HIVEP2: variants seen among roughly 807,000 people sequenced by gnomAD.
HIVEP2 encodes the protein HIVEP zinc finger 2.
A neutral mutation model predicts 180.7 loss-of-function variants in HIVEP2; 14 were observed. The observed-to-expected ratio is 0.08, with a 90% CI of 0.05 to 0.12. The LOEUF (loss-of-function observed/expected upper bound fraction) is 0.12, where lower values mean the gene tolerates loss of function less well. HIVEP2 is among the 10% of genes least tolerant of loss of function. The pLI is 1.00. For missense variants in HIVEP2, 2,579 were observed against 3,008.5 expected, an observed-to-expected ratio of 0.86 and a Z score of 3.34; for synonymous variants, 1,184 against 1,136.4, an observed-to-expected ratio of 1.04 and a Z score of -0.84.
At chr6:142,910,297 T>C (rs1161092402) in intron 1 of HIVEP2, among the ~76,000 whole-genome samples, 1 of 152,222 alleles carries the variant, frequency 6.6e-6, no homozygotes, top group Non-Finnish European at 1.5e-5. Context: ...TCTTCTCTCA[T>C]TCTCTTCTAA....
At chr6:142,854,673 C>T (rs1775772134) in intron 1 of HIVEP2, among the ~76,000 whole-genome samples, 1 of 152,114 alleles carries the variant, frequency 6.6e-6, no homozygotes, top group Non-Finnish European at 1.5e-5. Context: ...TGAAATTTTC[C>T]AGGGAAGGCA....
intron 3 of HIVEP2, among the ~76,000 whole-genome samples, chr6:142,776,768 A>C (rs139653417): frequency 4.6e-5 from 7 of 152,316 alleles, no homozygotes; most frequent in African/African-American, 1.4e-4. Context: ...CCTGGGCTCA[A>C]GCAATCTGCC....
At chr6:142,928,565 TAC>T (rs1351266258) in intron 1 of HIVEP2, among the ~76,000 whole-genome samples, 4 of 152,238 alleles carry the variant, frequency 2.6e-5, no homozygotes, top group African/African-American at 9.6e-5. Context: ...TTTCCCCACT[TAC>T]AGTGATGCAA....
At chr6:142,792,475 C>T (rs550644002) in intron 2 of HIVEP2, among the ~76,000 whole-genome samples, 7 of 152,158 alleles carry the variant, frequency 4.6e-5, no homozygotes, top group East Asian at 1.9e-4. Context: ...CAGAAAAACA[C>T]GGCATGTTCT....
chr6:142,789,803 G>A (rs548593687), intron 2 of HIVEP2, among the ~76,000 whole-genome samples: 14 of 152,218 alleles, frequency 9.2e-5, no homozygotes, highest in Non-Finnish European at 1.8e-4. Context: ...AAATTCAAAT[G>A]AGCAAAGATA....
intron 1 of HIVEP2, among the ~76,000 whole-genome samples, chr6:142,925,645 C>A (rs188466478): frequency 1.3e-5 from 2 of 152,254 alleles, no homozygotes; most frequent in East Asian, 3.9e-4. Context: ...AAAATGACAT[C>A]GTACTATATG....
chr6:142,765,298 C>A (rs559006290), intron 6 of HIVEP2, among the ~76,000 whole-genome samples: 2 of 152,296 alleles, frequency 1.3e-5, no homozygotes, highest in South Asian at 2.1e-4. Context: ...GACCTTTGGA[C>A]TGGATTCTAG....
chr6:142,774,574 G>A lies in HIVEP2; in HGVS notation c.165C>T (p.Ile55=), dbSNP rs181820131. 169 of 1,614,176 alleles carry A rather than the reference G, an allele frequency of 1.0e-4. No individual in the cohort carries two copies. In the East Asian group the frequency reaches 2.3e-3, roughly 22 times the overall value. The change falls in exon 5 of 10, where the codon ATC becomes ATT. Residue 55 remains isoleucine, a synonymous_variant. Transcript: ENST00000367603. This position sits in a 1 kb window ranked among gnomAD's most constrained non-coding sequence, Gnocchi z 5.1. ...ACAGTTGTGCTGATGCTGTGTTTCC[G>A]ATTTGCTCAGGCTCTATTTGTGGTT... ...QRQPQIEPEQ[I]GNTASAQLFG...
At chr6:142,852,796 CAG>C (rs147325095) in intron 1 of HIVEP2, among the ~76,000 whole-genome samples, 29,820 of 152,030 alleles carry the variant, frequency 0.2, 3,783 homozygotes, top group Non-Finnish European at 0.29. Context: ...TTTAGAGTAA[CAG>C]GGGAAAAATA....
intron 2 of HIVEP2, among the ~76,000 whole-genome samples, chr6:142,810,587 C>T (rs1245167107): frequency 6.6e-6 from 1 of 151,694 alleles, no homozygotes; most frequent in Non-Finnish European, 1.5e-5. Flanking sequence ...GATGGTGAAA[C>T]CCCGTCTCTA....
intron 1 of HIVEP2, among the ~76,000 whole-genome samples, chr6:142,876,455 G>C (rs111925976): frequency 1.3e-5 from 2 of 152,076 alleles, no homozygotes; most frequent in African/African-American, 4.8e-5. Context: ...TGATAGCAGC[G>C]TATGAGATCA....
At chr6:142,798,522 G>T (rs1450870630) in intron 2 of HIVEP2, among the ~76,000 whole-genome samples, 2 of 152,114 alleles carry the variant, frequency 1.3e-5, no homozygotes. Flanking sequence ...CCCCTTTCTA[G>T]ATCCACCTGC....
In HIVEP2 at chr6:142,768,485, C is replaced by G. The variant is rs1775430256; in HGVS notation, c.5239G>C (p.Val1747Leu). Reference protein sequence around the residue: ...LFGSKLERKLVGNILKERGKG... With the variant: ...LFGSKLERKLLGNILKERGKG... ...CCTCTTTCCTTTAAGATATTTCCCACTAGTTTCCTTTCTAGTTTGCTGCCA... is the reference window on the plus strand; with the variant it reads ...CCTCTTTCCTTTAAGATATTTCCCAGTAGTTTCCTTTCTAGTTTGCTGCCA... The change falls in exon 6 of 10, where the codon GTG becomes CTG. Residue 1747 changes from valine (V) to leucine (L), a missense_variant. Val to Leu is a conservative substitution (Grantham distance 32). This residue lies in a region of HIVEP2 where 349 missense variants were observed against 367.2 expected (regional missense o/e 0.95). Coordinates refer to ENST00000367603, the MANE Select transcript of HIVEP2 (RefSeq NM_006734.4). 6.2e-7 allele frequency: 1 copy of G among 1,613,492 alleles called. No individual in the cohort carries two copies. Among genetic ancestry groups the G allele is most frequent in the Non-Finnish European group, 8.5e-7 (1 of 1,179,690 alleles).
At chr6:142,870,454 G>A (rs1358259488) in intron 1 of HIVEP2, among the ~76,000 whole-genome samples, 2 of 152,124 alleles carry the variant, frequency 1.3e-5, no homozygotes, top group African/African-American at 4.8e-5. Context: ...ATGTACAATA[G>A]GGCCTCTCCT....
At chr6:142,874,922 C>T (rs1582932333) in intron 1 of HIVEP2, among the ~76,000 whole-genome samples, 1 of 152,126 alleles carries the variant, frequency 6.6e-6, no homozygotes, top group Non-Finnish European at 1.5e-5. Context: ...TCAACAAATT[C>T]TTTAAGTGCT....
chr6:142,777,613 A>G (rs1775734277), intron 3 of HIVEP2, among the ~76,000 whole-genome samples: 1 of 132,026 alleles, frequency 7.6e-6, no homozygotes, highest in Non-Finnish European at 1.6e-5. Context: ...GAGCCATTGC[A>G]TTCCAGCCTG....
At position 142,776,164 on chromosome 6, in the gene HIVEP2, C is replaced by T. The variant is rs186469306; in HGVS notation, c.-405G>A. On this transcript the variant is annotated 5_prime_UTR_variant, in exon 4 of 10. Transcript: ENST00000367603. ...ATGATTACCTGAACAGTTTAGAGTT[C>T]TTATGGGCATGATTGTCCTGACGCT... is the stretch of plus-strand genomic sequence containing the variant. 8 of 152,644 alleles carry T rather than the reference C, an allele frequency of 5.2e-5. No homozygotes were observed. The highest frequency in any genetic ancestry group is 1.2e-4 in the Non-Finnish European group (8 of 68,006). The allele number at this position is 152,644 out of a possible 1,614,324, so 9.5% of individuals were successfully genotyped here.
At chr6:142,878,132 T>C (rs1394447240) in intron 1 of HIVEP2, among the ~76,000 whole-genome samples, 1 of 152,196 alleles carries the variant, frequency 6.6e-6, no homozygotes, top group Non-Finnish European at 1.5e-5. Flanking sequence ...GGCATATTTC[T>C]GATATCATTT....
rs148347909 is a variant in HIVEP2, at chr6:142,807,854, T to A, written c.-527-24239A>T. Among the ~76,000 whole-genome samples the A allele has an allele frequency of 3.1e-3, 477 of 152,098 alleles. 5 individuals are homozygous for A. Among genetic ancestry groups the A allele is most frequent in the African/African-American group, 0.011 (463 of 41,498 alleles). On this transcript the variant is annotated intron_variant, in intron 2 of 9. Coordinates refer to ENST00000367603, the MANE Select transcript of HIVEP2 (RefSeq NM_006734.4). ...GGCCAGTGACCCAAAACCTGTGGGGTCAAGTCGTAGGCAAAAGGATTACAA... is the reference window on the plus strand; with the variant it reads ...GGCCAGTGACCCAAAACCTGTGGGGACAAGTCGTAGGCAAAAGGATTACAA...
Sources: gnomAD v4.1 joint callset for allele counts (sites outside exome capture counted in the v4.1 genomes callset) on GRCh38, gnomAD v4.1.1 for gene constraint, gnomAD v4.1.1 regional missense constraint, Gnocchi (gnomAD v3.1) non-coding constraint, MANE v1.5 for transcripts, NCBI Gene and HGNC (gene_info 2026-07-23, HGNC 2026-07-21) for gene names.